CDKAL1: variants seen among roughly 807,000 people sequenced by gnomAD.
The protein encoded by CDKAL1 is CDKAL1 threonylcarbamoyladenosine tRNA methylthiotransferase.
In CDKAL1, 32 loss-of-function variants were observed where a neutral mutation model predicts 68.2. That is an observed-to-expected ratio of 0.47 (90% CI 0.35 to 0.63). The LOEUF is 0.63. Among genes scored for constraint, CDKAL1 ranks in the 30% least tolerant of loss-of-function variants. The pLI is 0.00. For missense variants in CDKAL1, 606 were observed against 696.7 expected (o/e 0.87, Z 1.47); for synonymous variants, 234 against 244.3 (o/e 0.96, Z 0.39).
At chr6:20,875,837 C>T (rs1329309879) in intron 9 of CDKAL1, among the ~76,000 whole-genome samples, 1 of 151,976 alleles carries the variant, frequency 6.6e-6, no homozygotes, top group Non-Finnish European at 1.5e-5. Context: ...ATGATTTAGA[C>T]CCAGTTTTGT....
In CDKAL1 at chr6:21,231,200, A is replaced by G. The variant is rs907207721; in HGVS notation, c.*161A>G. 10 of 508,334 alleles carry G rather than the reference A, an allele frequency of 2.0e-5. No individual in the cohort carries two copies. In the South Asian group the frequency reaches 4.0e-4, roughly 21 times the overall value. The allele number at this position is 508,334 out of a possible 1,614,324, so 31.5% of individuals were successfully genotyped here. A position where few individuals can be genotyped will look rare whatever the true frequency, so the allele number is the denominator to read the frequency against. On this transcript the variant is annotated 3_prime_UTR_variant, in exon 16 of 16. Transcript: ENST00000274695. ...CTTAATGAGGCTCCCCCTGTCTCAC[A>G]TTGAGTTGGGCCCATTGGTTATTTG...
intron 12 of CDKAL1, among the ~76,000 whole-genome samples, chr6:21,098,204 C>T (rs1293678295): frequency 6.6e-6 from 1 of 152,132 alleles, no homozygotes; most frequent in African/African-American, 2.4e-5. Flanking sequence ...AGAATGGAAA[C>T]AGAAACTGGT....
chr6:20,818,698 A>T (rs1453660688), intron 8 of CDKAL1, among the ~76,000 whole-genome samples: 1 of 150,528 alleles, frequency 6.6e-6, no homozygotes, highest in Non-Finnish European at 1.5e-5. Context: ...AATTTATAAA[A>T]TTATTATAAA....
intron 5 of CDKAL1, among the ~76,000 whole-genome samples, chr6:20,736,796 A>T (rs9368227): frequency 0.19 from 29,280 of 151,490 alleles, 3,283 homozygotes; most frequent in East Asian, 0.34. Context: ...TTTCCTCCAC[A>T]TGCGTTCTGG....
chr6:21,045,092 G>T (rs960683182), intron 11 of CDKAL1, among the ~76,000 whole-genome samples: 3 of 152,122 alleles, frequency 2.0e-5, no homozygotes, highest in African/African-American at 7.2e-5. Context: ...ATAGCATTGC[G>T]GATTCAGTTT....
intron 8 of CDKAL1, among the ~76,000 whole-genome samples, chr6:20,842,827 G>A (rs1466360292): frequency 1.3e-5 from 2 of 152,062 alleles, no homozygotes; most frequent in South Asian, 2.1e-4. Flanking sequence ...ACGAAACTCC[G>A]TCTCAAAAAC....
chr6:20,595,959 G>T (rs772230366), intron 4 of CDKAL1, among the ~76,000 whole-genome samples: 1 of 152,158 alleles, frequency 6.6e-6, no homozygotes, highest in Non-Finnish European at 1.5e-5. Flanking sequence ...GAGTTTGCTG[G>T]AGGTCCACTC....
At chr6:20,835,420 A>T (rs955286903) in intron 8 of CDKAL1, among the ~76,000 whole-genome samples, 9 of 152,206 alleles carry the variant, frequency 5.9e-5, no homozygotes, top group Admixed American at 2.0e-4. Flanking sequence ...GTAGGTGCAG[A>T]CATGAAATCT....
intron 12 of CDKAL1, among the ~76,000 whole-genome samples, chr6:21,080,557 A>G (rs1772331493): frequency 6.6e-6 from 1 of 152,180 alleles, no homozygotes; most frequent in Non-Finnish European, 1.5e-5. Flanking sequence ...CCTCTCAGTC[A>G]GAATCATCCT....
chr6:21,161,729 G>C (rs1340807939), intron 13 of CDKAL1, among the ~76,000 whole-genome samples: 1 of 152,118 alleles, frequency 6.6e-6, no homozygotes, highest in Non-Finnish European at 1.5e-5. Context: ...CTTCTGCATG[G>C]CTTCTTTTAT....
chr6:21,019,685 C>T (rs1768527850), intron 11 of CDKAL1, among the ~76,000 whole-genome samples: 1 of 151,978 alleles, frequency 6.6e-6, no homozygotes, highest in Non-Finnish European at 1.5e-5. Context: ...TGTGCATCAC[C>T]GTGATTTCCG....
At chr6:21,128,256 CTG>C (rs1562053948) in intron 13 of CDKAL1, among the ~76,000 whole-genome samples, 2 of 152,196 alleles carry the variant, frequency 1.3e-5, no homozygotes. Flanking sequence ...TTTTGCCCAA[CTG>C]GGCTAACAAA....
intron 4 of CDKAL1, among the ~76,000 whole-genome samples, chr6:20,560,730 A>G (rs1764233877): frequency 6.6e-6 from 1 of 152,198 alleles, no homozygotes; most frequent in African/African-American, 2.4e-5. Flanking sequence ...TTGATGGTTA[A>G]GGGGGAAGTG....
At chr6:20,706,970 G>A (rs565455269) in intron 5 of CDKAL1, among the ~76,000 whole-genome samples, 28 of 151,710 alleles carry the variant, frequency 1.8e-4, no homozygotes, top group African/African-American at 4.6e-4. Flanking sequence ...GGGTGGGTGG[G>A]GTTTGGTGAT....
At chr6:20,892,997 G>A (rs1319758726) in intron 9 of CDKAL1, among the ~76,000 whole-genome samples, 1 of 152,200 alleles carries the variant, frequency 6.6e-6, no homozygotes, top group Non-Finnish European at 1.5e-5. Flanking sequence ...TGAGGGAGCA[G>A]GTGCAGAGAC....
intron 10 of CDKAL1, among the ~76,000 whole-genome samples, chr6:20,994,329 A>G (rs1766992287): frequency 6.6e-6 from 1 of 152,174 alleles, no homozygotes; most frequent in South Asian, 2.1e-4. Flanking sequence ...AAATACTAAA[A>G]TTAGCCAGGT....
At chr6:20,848,777 T>TTTTC (rs1233869015) in intron 9 of CDKAL1, among the ~76,000 whole-genome samples, 7 of 151,786 alleles carry the variant, frequency 4.6e-5, no homozygotes, top group South Asian at 2.1e-4. Flanking sequence ...GTGGTTGTTT[T>TTTTC]TTTCTTTCTT....
At chr6:21,119,263 G>A (rs1246168837) in intron 13 of CDKAL1, among the ~76,000 whole-genome samples, 1 of 152,154 alleles carries the variant, frequency 6.6e-6, no homozygotes, top group African/African-American at 2.4e-5. Context: ...TCAATGGAAA[G>A]CATCTAGAAT....
chr6:20,583,049 A>G lies in CDKAL1; in HGVS notation c.286+34344A>G, dbSNP rs549678902. 2.0e-5 allele frequency among the ~76,000 whole-genome samples: 3 copies of G among 152,148 alleles called. No homozygotes were observed. The South Asian group carries it at 6.2e-4, about 32-fold the overall frequency. On this transcript the variant is annotated intron_variant, in intron 4 of 15. Transcript: ENST00000274695. Reference sequence around the variant, plus strand: ...TAATAGAAATAGAAAACAATTTCCTATTTTCTGAGGGATTTTTTTTGGGAA... The same window carrying G: ...TAATAGAAATAGAAAACAATTTCCTGTTTTCTGAGGGATTTTTTTTGGGAA...
Sources: gnomAD v4.1 joint callset for allele counts (sites outside exome capture counted in the v4.1 genomes callset) on GRCh38, gnomAD v4.1.1 for gene constraint, MANE v1.5 for transcripts, NCBI Gene and HGNC (gene_info 2026-07-23, HGNC 2026-07-21) for gene names.